Variants in RNF175 observed in about 807,000 individuals in gnomAD.
RNF175 encodes the protein ring finger protein 175.
RNF175 carries 38 observed loss-of-function variants against 50.0 expected under a neutral mutation model. The observed-to-expected ratio is 0.76, with a 90% confidence interval of 0.59 to 1.00. RNF175 has a LOEUF of 1.00. Ranked by LOEUF, RNF175 falls within the 50% of genes least tolerant of loss-of-function variation. The pLI is 0.00. For missense variants in RNF175, 388 were observed against 409.6 expected (o/e 0.95, Z 0.46); for synonymous variants, 155 against 146.1 (o/e 1.06, Z -0.44).
At position 153,720,262 on chromosome 4, in the gene RNF175, CAA is replaced by C. The variant is rs1738252249; in HGVS notation, c.550_551del (p.Leu184ValfsTer55). The C allele has an allele frequency of 6.2e-7, 1 of 1,613,356 alleles. No homozygotes were observed. Among genetic ancestry groups the C allele is most frequent in the Non-Finnish European group, 8.5e-7 (1 of 1,179,402 alleles). The stretch of plus-strand genomic sequence containing the variant: ...TTACTCCATAGTAGAGGCCGTAGAA[CAA>C]AGACACAATGCCAAAATCCATGGAA... ...RDSMDFGIVS[L>X]FYGLYYGVMG... On this transcript the variant is annotated frameshift_variant, in exon 6 of 9. Transcript: ENST00000347063. LOFTEE classifies it high-confidence loss of function.
intron 3 of RNF175, among the ~76,000 whole-genome samples, chr4:153,736,649 C>T (rs1431014255): frequency 1.3e-5 from 2 of 152,026 alleles, no homozygotes; most frequent in East Asian, 3.9e-4. Flanking sequence ...TTGGTGCTTT[C>T]TTTTTTGGAA....
chr4:153,756,448 A>G (rs1179005645), intron 1 of RNF175, among the ~76,000 whole-genome samples: 1 of 151,734 alleles, frequency 6.6e-6, no homozygotes, highest in Admixed American at 6.6e-5. Flanking sequence ...ATCCTGTCCT[A>G]TCTATCCAAT....
At chr4:153,713,986 C>T (rs1003250665) in intron 7 of RNF175, 3 of 152,182 alleles carry the variant, frequency 2.0e-5, no homozygotes, top group Admixed American at 1.3e-4. Context: ...ACTCAGATAA[C>T]CCATCCTTGT....
chr4:153,748,840 G>T, intron 2 of RNF175, 54 bp from the exon 3 acceptor site: 1 of 1,315,670 alleles, frequency 7.6e-7, no homozygotes, highest in Non-Finnish European at 1.0e-6. Context: ...TGCGCATTTA[G>T]CAAAAAAAAC....
intron 5 of RNF175, 153 bp from the exon 6 acceptor site, chr4:153,720,457 A>ATTTC: frequency 1.6e-6 from 1 of 620,288 alleles, no homozygotes; most frequent in Non-Finnish European, 2.8e-6. Flanking sequence ...TAAATGAAAT[A>ATTTC]ATTTAAAATC....
chr4:153,730,712 G>C (rs2127127574), intron 3 of RNF175, among the ~76,000 whole-genome samples: 1 of 152,120 alleles, frequency 6.6e-6, no homozygotes, highest in East Asian at 1.9e-4. Flanking sequence ...ACTTGAGTTG[G>C]TTCATTTTAA....
At chr4:153,733,405 C>A (rs890350124) in intron 3 of RNF175, among the ~76,000 whole-genome samples, 2 of 152,176 alleles carry the variant, frequency 1.3e-5, no homozygotes, top group Non-Finnish European at 1.5e-5. Context: ...TCTGTAAACT[C>A]GCATTCCAAC....
intron 1 of RNF175, among the ~76,000 whole-genome samples, chr4:153,753,223 T>C (rs1429041052): frequency 6.6e-6 from 1 of 152,114 alleles, no homozygotes; most frequent in Non-Finnish European, 1.5e-5. Context: ...GGGCTGTGGA[T>C]TGCGGGCTCC....
intron 5 of RNF175, among the ~76,000 whole-genome samples, chr4:153,722,779 AC>A (rs1425320301): frequency 2.7e-5 from 4 of 147,288 alleles, no homozygotes; most frequent in East Asian, 3.9e-4. Context: ...AAAAAAAAAA[AC>A]ACAACAAAAA....
intron 3 of RNF175, among the ~76,000 whole-genome samples, chr4:153,729,277 C>T (rs371546161): frequency 1.2e-3 from 189 of 152,306 alleles, no homozygotes; most frequent in African/African-American, 4.3e-3. Context: ...CAAGGGTGTA[C>T]GTTAACTAAT....
chr4:153,723,928 C>T (rs962879017), intron 4 of RNF175, among the ~76,000 whole-genome samples: 6 of 152,084 alleles, frequency 3.9e-5, no homozygotes, highest in African/African-American at 1.2e-4. Flanking sequence ...GCCCCTTTTC[C>T]CCCAGCCCCA....
At chr4:153,724,071 G>C (rs10006303) in intron 4 of RNF175, among the ~76,000 whole-genome samples, 6 of 152,098 alleles carry the variant, frequency 3.9e-5, no homozygotes, top group Non-Finnish European at 7.4e-5. Flanking sequence ...AGGGTCCTGC[G>C]TGTACCCCAG....
At chr4:153,712,757 C>T (rs1440384402) in intron 7 of RNF175, among the ~76,000 whole-genome samples, 181 bp from the exon 8 acceptor site, 1 of 152,158 alleles carries the variant, frequency 6.6e-6, no homozygotes, top group Non-Finnish European at 1.5e-5. Flanking sequence ...GTCACAGCTG[C>T]CTTCGCTTTA....
chr4:153,720,506 T>C (rs1008105782), intron 5 of RNF175: 4 of 483,568 alleles, frequency 8.3e-6, no homozygotes, highest in Admixed American at 6.6e-5. Context: ...CAGTGCCAAC[T>C]GGACAAAGGA....
intron 5 of RNF175, among the ~76,000 whole-genome samples, chr4:153,722,611 A>G (rs1429608773): frequency 6.6e-6 from 1 of 152,068 alleles, no homozygotes; most frequent in Admixed American, 6.6e-5. Flanking sequence ...AGCCTCTTAC[A>G]ATTTCGAAGC....
intron 3 of RNF175, among the ~76,000 whole-genome samples, chr4:153,747,536 C>T (rs552009087): frequency 6.6e-6 from 1 of 152,310 alleles, no homozygotes; most frequent in African/African-American, 2.4e-5. Context: ...TCCTCATTTT[C>T]TGTCTAAGAC....
At chr4:153,717,419 C>A (rs1418505115) in intron 6 of RNF175, among the ~76,000 whole-genome samples, 1 of 152,026 alleles carries the variant, frequency 6.6e-6, no homozygotes, top group Non-Finnish European at 1.5e-5. Context: ...AAAACAAGAT[C>A]TGGACACTAT....
rs567734155 is a variant in RNF175 at position 153,733,845 on chromosome 4, C to T, written c.247-5484G>A. Among the ~76,000 whole-genome samples the T allele has an allele frequency of 3.9e-5, 6 of 152,298 alleles. No individual in the cohort carries two copies. The East Asian group carries it at 9.6e-4, about 24-fold the overall frequency. Reference sequence around the variant, plus strand: ...AATATTACACAAATTAATTTTACTACTCCAGAATTCCTGACCTATTTATTT... The same window carrying T: ...AATATTACACAAATTAATTTTACTATTCCAGAATTCCTGACCTATTTATTT... On this transcript the variant is annotated intron_variant, in intron 3 of 8. Transcript: ENST00000347063.
At chr4:153,726,137 G>C (rs1193048130) in intron 4 of RNF175, among the ~76,000 whole-genome samples, 1 of 151,854 alleles carries the variant, frequency 6.6e-6, no homozygotes. Flanking sequence ...GTGGAGTCTT[G>C]CTCTGTTGCC....
Sources: gnomAD v4.1 joint callset for allele counts (sites outside exome capture counted in the v4.1 genomes callset) on GRCh38, gnomAD v4.1.1 for gene constraint, MANE v1.5 for transcripts, NCBI Gene and HGNC (gene_info 2026-07-23, HGNC 2026-07-21) for gene names.